The following GRAMD2B variants were observed in gnomAD, a reference collection of about 807,000 sequenced individuals.
The protein encoded by GRAMD2B is GRAM domain containing 2B.
Under a neutral mutation model 59.2 loss-of-function variants are expected in GRAMD2B, and 41 were observed. That is an observed-to-expected ratio of 0.69 (90% CI 0.54 to 0.90). GRAMD2B has a LOEUF of 0.90. Among genes scored for constraint, GRAMD2B ranks in the 40% least tolerant of loss-of-function variants. GRAMD2B has a pLI of 0.00. For synonymous variants in GRAMD2B, 161 were observed against 182.7 expected, an observed-to-expected ratio of 0.88 and a Z score of 0.96; for missense variants, 424 against 500.5, an observed-to-expected ratio of 0.85 and a Z score of 1.46.
chr5:126,453,595 A>G (rs1178953727), intron 1 of GRAMD2B, among the ~76,000 whole-genome samples: 2 of 152,198 alleles, frequency 1.3e-5, no homozygotes, highest in Non-Finnish European at 2.9e-5. Flanking sequence ...TCCTTGCTGC[A>G]TTTTACAATT....
At chr5:126,432,468 G>C (rs1472299563) in intron 1 of GRAMD2B, among the ~76,000 whole-genome samples, 1 of 152,192 alleles carries the variant, frequency 6.6e-6, no homozygotes, top group Admixed American at 6.5e-5. Flanking sequence ...GCTTTAGTGT[G>C]TATTGCTGTG....
chr5:126,466,226 T>A (rs1403205630), intron 2 of GRAMD2B: 3 of 1,545,076 alleles, frequency 1.9e-6, no homozygotes, highest in Non-Finnish European at 1.7e-6. Flanking sequence ...AACTGCTACC[T>A]TCTACTTCTT....
At chr5:126,394,146 G>A (rs943180917) in intron 1 of GRAMD2B, among the ~76,000 whole-genome samples, 2 of 151,852 alleles carry the variant, frequency 1.3e-5, no homozygotes, top group South Asian at 2.1e-4. Context: ...GTGGTGGCGG[G>A]TGCCTGTAGT....
chr5:126,416,144 G>A (rs555758711), intron 1 of GRAMD2B, among the ~76,000 whole-genome samples: 111 of 152,238 alleles, frequency 7.3e-4, no homozygotes, highest in African/African-American at 2.6e-3. Context: ...CTAAATTGTT[G>A]CCTGTGGATT....
chr5:126,422,617 C>T (rs891375804), upstream of GRAMD2B, among the ~76,000 whole-genome samples: 14 of 152,112 alleles, frequency 9.2e-5, no homozygotes, highest in African/African-American at 3.1e-4. Flanking sequence ...GATTGGACAC[C>T]CCTGATTGAG....
chr5:126,379,279 C>G (rs1201847663), intron 1 of GRAMD2B, among the ~76,000 whole-genome samples: 1 of 152,056 alleles, frequency 6.6e-6, no homozygotes, highest in Non-Finnish European at 1.5e-5. Context: ...TATATATATA[C>G]TACATTTTCT....
chr5:126,423,713 A>G (rs774971093), intron 1 of GRAMD2B, 24 bp downstream of exon 1: 7 of 1,587,258 alleles, frequency 4.4e-6, no homozygotes, highest in South Asian at 1.2e-5. Context: ...GCTGGGACCC[A>G]TCCAAGGAGG....
chr5:126,415,990 GA>G (rs1163224765), intron 1 of GRAMD2B, among the ~76,000 whole-genome samples: 12 of 152,222 alleles, frequency 7.9e-5, no homozygotes, highest in African/African-American at 2.9e-4. Context: ...CATTTCACAC[GA>G]AGAAAAAGAA....
intron 1 of GRAMD2B, among the ~76,000 whole-genome samples, chr5:126,405,539 C>G (rs1300795596): frequency 6.6e-6 from 1 of 151,926 alleles, no homozygotes; most frequent in East Asian, 1.9e-4. Context: ...TTTTACTCTC[C>G]CCACTCCCTT....
chr5:126,364,359 T>C (rs1388988606), intron 1 of GRAMD2B, among the ~76,000 whole-genome samples: 1 of 152,144 alleles, frequency 6.6e-6, no homozygotes, highest in Non-Finnish European at 1.5e-5. Flanking sequence ...TTGTGGAAAT[T>C]TTGAAATATT....
chr5:126,470,740 A>C (rs1165660921), intron 3 of GRAMD2B, among the ~76,000 whole-genome samples: 1 of 151,982 alleles, frequency 6.6e-6, no homozygotes, highest in East Asian at 1.9e-4. Context: ...TGTATTTTTA[A>C]TACAGACAGG....
chr5:126,364,805 G>T (rs2149684671), intron 1 of GRAMD2B, among the ~76,000 whole-genome samples: 1 of 152,222 alleles, frequency 6.6e-6, no homozygotes, highest in East Asian at 1.9e-4. Flanking sequence ...AAACATCTTG[G>T]CCAGTGGTAT....
At chr5:126,407,862 A>C (rs973995478) in intron 1 of GRAMD2B, among the ~76,000 whole-genome samples, 17 of 152,196 alleles carry the variant, frequency 1.1e-4, no homozygotes, top group African/African-American at 4.1e-4. Context: ...GGTATACTGT[A>C]CTAAGTCCTT....
intron 1 of GRAMD2B, among the ~76,000 whole-genome samples, chr5:126,443,021 T>TC (rs1763563244): frequency 6.6e-6 from 1 of 152,146 alleles, no homozygotes; most frequent in African/African-American, 2.4e-5. Flanking sequence ...GGATTGTTTT[T>TC]CCCCATTATC....
intron 1 of GRAMD2B, among the ~76,000 whole-genome samples, chr5:126,462,193 T>C (rs1263206680): frequency 6.6e-6 from 1 of 152,248 alleles, no homozygotes; most frequent in African/African-American, 2.4e-5. Context: ...CTTTGTCTTC[T>C]GGTTAAAAAA....
intron 1 of GRAMD2B, among the ~76,000 whole-genome samples, chr5:126,409,964 GT>G (rs1758629430): frequency 6.6e-6 from 1 of 151,238 alleles, no homozygotes; most frequent in African/African-American, 2.4e-5. Flanking sequence ...CCCATTGCTT[GT>G]TTTTCTCAGG....
At chr5:126,429,021 G>T (rs746072729) in intron 1 of GRAMD2B, among the ~76,000 whole-genome samples, 5 of 152,084 alleles carry the variant, frequency 3.3e-5, no homozygotes, top group Non-Finnish European at 5.9e-5. Context: ...ATTCAACTCA[G>T]CAATCCCTTT....
intron 1 of GRAMD2B, among the ~76,000 whole-genome samples, chr5:126,444,205 T>G (rs1763796917): frequency 1.3e-5 from 2 of 152,126 alleles, no homozygotes; most frequent in Non-Finnish European, 2.9e-5. Flanking sequence ...GCAAGAGAAT[T>G]TATGGAATTT....
intron 1 of GRAMD2B, among the ~76,000 whole-genome samples, chr5:126,417,291 G>C (rs557153665): frequency 1.3e-5 from 2 of 152,160 alleles, no homozygotes; most frequent in Non-Finnish European, 2.9e-5. Context: ...TTCTACCTTG[G>C]TGTTATAGGA....
Sources: allele counts gnomAD v4.1 joint callset (sites outside exome capture counted in the v4.1 genomes callset), GRCh38; gene constraint gnomAD v4.1.1; transcripts MANE v1.5; gene names NCBI Gene and HGNC (gene_info 2026-07-23, HGNC 2026-07-21).